Variants in RGS3 observed in about 807,000 individuals in gnomAD.
The protein encoded by RGS3 is regulator of G-protein signalling 3.
A neutral mutation model predicts 132.6 loss-of-function variants in RGS3; 80 were observed. That is an observed-to-expected ratio of 0.60 (90% confidence interval 0.50 to 0.73). The LOEUF (loss-of-function observed/expected upper bound fraction) is 0.73, where lower values mean the gene tolerates loss of function less well. Ranked by LOEUF, RGS3 falls within the 30% of genes least tolerant of loss-of-function variation. The pLI, the probability that RGS3 is intolerant of heterozygous loss-of-function variation, is 0.00. For missense variants in RGS3, 1,382 were observed against 1,530.8 expected (o/e 0.90, Z 1.62); for synonymous variants, 598 against 620.6 (o/e 0.96, Z 0.54).
intron 21 of RGS3, chr9:113,594,160 G>C (rs1246354754): frequency 1.2e-6 from 2 of 1,613,094 alleles, no homozygotes; most frequent in South Asian, 2.2e-5. Context: ...GAGAGCGTGT[G>C]TGGCTGCAGC....
chr9:113,448,326 C>A (rs1437871055), intron 1 of RGS3, among the ~76,000 whole-genome samples: 4 of 152,202 alleles, frequency 2.6e-5, no homozygotes, highest in Admixed American at 6.5e-5. Context: ...TCTCTCCCCC[C>A]AGCCCCATTG....
rs370794557 is a variant in RGS3, at chr9:113,499,220, C to A, written c.897+1140C>A. ...CCAGCCTAGGCAAGAGAACGAGATT[C>A]CATCTCAAAAAAAAAAAAAAAAAAA... On this transcript the variant is annotated intron_variant, in intron 10 of 24. Coordinates refer to ENST00000350696, the Ensembl canonical transcript of RGS3. 1.1e-4 allele frequency among the ~76,000 whole-genome samples: 15 copies of A among 136,722 alleles called. No individual in the cohort carries two copies. The East Asian group carries it at 3.0e-3, about 27-fold the overall frequency. The allele number at this position is 136,722 out of a possible 152,430, so 89.7% of individuals were successfully genotyped here.
At chr9:113,538,983 A>G (rs1832794477) in intron 19 of RGS3, among the ~76,000 whole-genome samples, 1 of 152,200 alleles carries the variant, frequency 6.6e-6, no homozygotes, top group East Asian at 1.9e-4. Flanking sequence ...TATCACCACC[A>G]TGCACATGCA....
At chr9:113,580,527 C>T (rs1834739995) in intron 19 of RGS3, 1 of 152,296 alleles carries the variant, frequency 6.6e-6, no homozygotes, top group African/African-American at 2.4e-5. Flanking sequence ...GAAACGGAGG[C>T]TCTGAGGTGT....
At chr9:113,473,797 G>A (rs1168624340) in intron 3 of RGS3, among the ~76,000 whole-genome samples, 1 of 152,188 alleles carries the variant, frequency 6.6e-6, no homozygotes, top group Admixed American at 6.5e-5. Context: ...AAAGCTTATA[G>A]TAAAGTGCTG....
chr9:113,572,459 G>A (rs994412397), intron 19 of RGS3, among the ~76,000 whole-genome samples: 15 of 152,068 alleles, frequency 9.9e-5, no homozygotes, highest in African/African-American at 3.4e-4. Flanking sequence ...CAGGGTTGTG[G>A]CTTAGTCTCA....
At chr9:113,468,564 A>G (rs972434962) in intron 3 of RGS3, among the ~76,000 whole-genome samples, 2 of 152,230 alleles carry the variant, frequency 1.3e-5, no homozygotes, top group Non-Finnish European at 1.5e-5. Flanking sequence ...AATTTTAGGC[A>G]TAATATTTTA....
chr9:113,465,697 G>T (rs1249420371), intron 3 of RGS3, among the ~76,000 whole-genome samples: 2 of 152,150 alleles, frequency 1.3e-5, no homozygotes, highest in African/African-American at 4.8e-5. Context: ...CATGGCCTCA[G>T]GGCTGAGTCT....
At chr9:113,497,516 C>A in intron 9 of RGS3, 112 bp downstream of exon 7, 1 of 879,966 alleles carries the variant, frequency 1.1e-6, no homozygotes, top group Non-Finnish European at 1.8e-6. Flanking sequence ...AGAATGCTAT[C>A]AGCCTGCTGG....
intron 3 of RGS3, among the ~76,000 whole-genome samples, chr9:113,478,005 G>A (rs1480515405): frequency 6.6e-6 from 1 of 152,234 alleles, no homozygotes; most frequent in Non-Finnish European, 1.5e-5. Flanking sequence ...CCGAGGAAGA[G>A]GAGTGTGACC....
At chr9:113,461,690 G>T (rs759789749) in intron 1 of RGS3, 1 of 1,608,794 alleles carries the variant, frequency 6.2e-7, no homozygotes, top group Non-Finnish European at 8.5e-7. Flanking sequence ...TGTGGGCCTC[G>T]GTCTTTTCTC....
At chr9:113,486,568 A>G (rs1045514088) in intron 7 of RGS3, among the ~76,000 whole-genome samples, 1 of 152,220 alleles carries the variant, frequency 6.6e-6, no homozygotes, top group Non-Finnish European at 1.5e-5. Flanking sequence ...ATGCACTGCC[A>G]TGGCCCACTG....
At chr9:113,585,878 G>T (rs2118997718) in intron 20 of RGS3, among the ~76,000 whole-genome samples, 1 of 152,316 alleles carries the variant, frequency 6.6e-6, no homozygotes, top group South Asian at 2.1e-4. Flanking sequence ...ATTCTGACAG[G>T]GCAGGCTGGG....
At chr9:113,581,037 G>A in intron 19 of RGS3, 2 of 903,152 alleles carry the variant, frequency 2.2e-6, no homozygotes, top group Non-Finnish European at 2.6e-6. Flanking sequence ...TGGGTCGGGG[G>A]GAGGTCTGGC....
chr9:113,533,302 C>A (rs1463896839), intron 18 of RGS3, among the ~76,000 whole-genome samples: 2 of 151,496 alleles, frequency 1.3e-5, no homozygotes, highest in East Asian at 3.9e-4. Context: ...GCGATCTCAG[C>A]TCACTGCAAC....
intron 14 of RGS3, among the ~76,000 whole-genome samples, chr9:113,511,622 A>G (rs1360181198): frequency 1.3e-5 from 2 of 152,138 alleles, no homozygotes; most frequent in African/African-American, 4.8e-5. Flanking sequence ...TGAAGGCAGA[A>G]TTATGTGTTG....
intron 16 of RGS3, among the ~76,000 whole-genome samples, chr9:113,519,330 A>G (rs979207367): frequency 7.9e-5 from 12 of 152,318 alleles, no homozygotes; most frequent in African/African-American, 2.9e-4. Flanking sequence ...CAATTCGTCC[A>G]GAAAACCCTG....
chr9:113,489,568 G>T (rs1433967539), intron 7 of RGS3, among the ~76,000 whole-genome samples: 2 of 152,132 alleles, frequency 1.3e-5, no homozygotes, highest in African/African-American at 4.8e-5. Flanking sequence ...CTGTCACCCA[G>T]GCTAGAGTGC....
At chr9:113,594,816 C>A in intron 22 of RGS3, 103 bp from the exon 21 acceptor site, 1 of 1,131,408 alleles carries the variant, frequency 8.8e-7, no homozygotes, top group Non-Finnish European at 1.3e-6. Context: ...GGCTCAGCTG[C>A]AGACTGGGCC....
Sources: allele counts gnomAD v4.1 joint callset (sites outside exome capture counted in the v4.1 genomes callset), GRCh38; gene constraint gnomAD v4.1.1; transcripts MANE v1.5; gene names NCBI Gene and HGNC (gene_info 2026-07-23, HGNC 2026-07-21).